ZFAND3: variants seen among roughly 807,000 people sequenced by gnomAD.
The protein encoded by ZFAND3 is zinc finger AN1-type containing 3, also known as AN1-type zinc finger protein 3.
Under a neutral mutation model 29.6 loss-of-function variants are expected in ZFAND3, and 10 were observed. The observed-to-expected ratio is 0.34, with a 90% CI of 0.21 to 0.57. ZFAND3 has a LOEUF of 0.57. Ranked by LOEUF, ZFAND3 falls within the 20% of genes least tolerant of loss-of-function variation. The pLI is 0.86. For synonymous variants in ZFAND3, 128 were observed against 112.6 expected (o/e 1.14, Z -0.87); for missense variants, 230 against 304.5 (o/e 0.76, Z 1.82).
chr6:38,134,070 G>T (rs1765795694), intron 5 of ZFAND3, among the ~76,000 whole-genome samples: 1 of 152,182 alleles, frequency 6.6e-6, no homozygotes, highest in Non-Finnish European at 1.5e-5. Flanking sequence ...AACCACTTAA[G>T]ATGGGGTAAT....
rs561794513 is a variant in ZFAND3 at position 37,921,872 on chromosome 6, C to T, written c.72-8087C>T. Among the ~76,000 whole-genome samples, 202 of 148,710 alleles carry T rather than the reference C, an allele frequency of 1.4e-3. 1 individual carries two copies. The highest frequency in any genetic ancestry group is 4.9e-3 in the African/African-American group (196 of 40,286). ...ACCTGCCTGGGCAACATGGCAAAAC[C>T]CCATCTCTGCAAAAAAAAAAAAAAA... On this transcript the variant is annotated intron_variant, in intron 1 of 5. Coordinates refer to ENST00000287218, the MANE Select transcript of ZFAND3 (RefSeq NM_021943.3).
intron 1 of ZFAND3, among the ~76,000 whole-genome samples, chr6:37,825,794 C>A (rs868511008): frequency 1.3e-5 from 2 of 152,010 alleles, no homozygotes; most frequent in Non-Finnish European, 1.5e-5. Flanking sequence ...AATCAGAGAA[C>A]TAAGAAGGCT....
At chr6:37,893,145 T>C (rs2127397403) in intron 1 of ZFAND3, among the ~76,000 whole-genome samples, 1 of 152,288 alleles carries the variant, frequency 6.6e-6, no homozygotes, top group African/African-American at 2.4e-5. Context: ...TAAAGTATCA[T>C]AATCACATTC....
Position 38,154,552 on chromosome 6 carries a change from A to G in ZFAND3, c.*2163A>G. On this transcript the variant is annotated 3_prime_UTR_variant, in exon 6 of 6. Transcript: ENST00000287218. ...TCAGTTTTAGTTTTAACATTGTGAA[A>G]ATATTAAAAGAATCTTGTAACTTTA... The G allele has an allele frequency of 3.1e-6, 3 of 974,996 alleles. No homozygotes were observed. The highest frequency in any genetic ancestry group is 3.7e-6 in the Non-Finnish European group (3 of 820,028). The allele number at this position is 974,996 out of a possible 1,614,324, so 60.4% of individuals were successfully genotyped here. A position where few individuals can be genotyped will look rare whatever the true frequency, so the allele number is the denominator to read the frequency against.
intron 5 of ZFAND3, among the ~76,000 whole-genome samples, chr6:38,122,568 G>T (rs1396346068): frequency 6.6e-6 from 1 of 152,132 alleles, no homozygotes; most frequent in Non-Finnish European, 1.5e-5. Context: ...TCAGTGGTGG[G>T]GGGAGGATTT....
intron 4 of ZFAND3, among the ~76,000 whole-genome samples, chr6:38,083,466 T>C (rs1764702251): frequency 6.6e-6 from 1 of 152,108 alleles, no homozygotes; most frequent in Non-Finnish European, 1.5e-5. Context: ...AGATTTCTTT[T>C]TTTTACTGAG....
chr6:38,154,363 G>T lies in ZFAND3; in HGVS notation c.*1974G>T. The T allele has an allele frequency of 1.4e-6, 1 of 730,322 alleles. No homozygotes were observed. Among genetic ancestry groups the T allele is most frequent in the Non-Finnish European group, 1.6e-6 (1 of 606,764 alleles). The allele number at this position is 730,322 out of a possible 1,614,324, so 45.2% of individuals were successfully genotyped here. ...GGAGCGAAGCCCATGTTCGCTTCCT[G>T]ACTTAGAGCTGGGGGGGGTGGGGGG... On this transcript the variant is annotated 3_prime_UTR_variant, in exon 6 of 6. Transcript: ENST00000287218.
intron 3 of ZFAND3, among the ~76,000 whole-genome samples, chr6:38,069,428 T>C (rs971133639): frequency 1.3e-5 from 2 of 152,214 alleles, no homozygotes; most frequent in African/African-American, 4.8e-5. Context: ...ATGGAGTTTT[T>C]CCGATATATA....
chr6:37,835,265 C>T (rs1405016945), intron 1 of ZFAND3, among the ~76,000 whole-genome samples: 1 of 152,056 alleles, frequency 6.6e-6, no homozygotes, highest in African/African-American at 2.4e-5. Context: ...CTCAAGTGAT[C>T]TTCCTGCCTC....
At chr6:37,983,343 C>CTTTTTTTTTTTTTTTTTTTTTTTT (rs70981516) in intron 2 of ZFAND3, among the ~76,000 whole-genome samples, 3 of 50,040 alleles carry the variant, frequency 6.0e-5, no homozygotes, top group Admixed American at 3.6e-4. Flanking sequence ...CAGTTTTTAT[C>CTTTTTTTTTTTTTTTTTTTTTTTT]TTTTTTTTTT....
Position 38,153,382 on chromosome 6 carries a change from C to CT in ZFAND3, c.*993_*994insT. ...TTCCAGCTGGAGCCGCCCGTGCCTC[C>CT]AGGGGCCAAGAGGATGATGTCGTGG... On this transcript the variant is annotated 3_prime_UTR_variant, in exon 6 of 6. Transcript: ENST00000287218. 1 of 985,524 alleles carries CT rather than the reference C, an allele frequency of 1.0e-6. No individual in the cohort carries two copies. Among genetic ancestry groups the CT allele is most frequent in the South Asian group, 4.7e-5 (1 of 21,288 alleles). The allele number at this position is 985,524 out of a possible 1,614,324, so 61.0% of individuals were successfully genotyped here.
At chr6:37,863,518 C>T (rs1324512991) in intron 1 of ZFAND3, among the ~76,000 whole-genome samples, 1 of 152,114 alleles carries the variant, frequency 6.6e-6, no homozygotes, top group Non-Finnish European at 1.5e-5. Flanking sequence ...TAAAGACACA[C>T]CAAAAGGTTG....
At chr6:37,948,704 T>A (rs759783363) in intron 2 of ZFAND3, among the ~76,000 whole-genome samples, 7 of 152,226 alleles carry the variant, frequency 4.6e-5, no homozygotes, top group Non-Finnish European at 5.9e-5. Flanking sequence ...TGAGAACATG[T>A]GGTATTTCGT....
intron 5 of ZFAND3, among the ~76,000 whole-genome samples, chr6:38,130,536 TG>T: frequency 6.6e-6 from 1 of 152,366 alleles, no homozygotes; most frequent in South Asian, 2.1e-4. Flanking sequence ...TGCTGGATTT[TG>T]TTGAATGCTT....
intron 1 of ZFAND3, among the ~76,000 whole-genome samples, chr6:37,865,818 G>A (rs1482531726): frequency 2.0e-5 from 3 of 152,138 alleles, no homozygotes; most frequent in African/African-American, 7.2e-5. Flanking sequence ...AGTGTGGTCC[G>A]TAGGTAGGTT....
intron 5 of ZFAND3, among the ~76,000 whole-genome samples, chr6:38,130,260 C>A (rs1452871986): frequency 6.6e-6 from 1 of 152,158 alleles, no homozygotes; most frequent in African/African-American, 2.4e-5. Context: ...CATCAGCAAA[C>A]AGTGAGTTTG....
rs563187271 is a variant in ZFAND3, at chr6:38,040,414, T to G, written c.113-21179T>G. Among the ~76,000 whole-genome samples the G allele has an allele frequency of 1.4e-4, 21 of 152,342 alleles. No individual in the cohort carries two copies. The East Asian group carries it at 3.9e-3, about 28-fold the overall frequency. Reference sequence around the variant, plus strand: ...TCATATTGTAGCATTGGACAGAATTTCCTTGTTTTTTAAGATTGCACAACA... The same window carrying G: ...TCATATTGTAGCATTGGACAGAATTGCCTTGTTTTTTAAGATTGCACAACA... On this transcript the variant is annotated intron_variant, in intron 2 of 5. Transcript: ENST00000287218.
chr6:37,827,695 C>A lies in ZFAND3; in HGVS notation c.71+7679C>A, dbSNP rs376179746. On this transcript the variant is annotated intron_variant, in intron 1 of 5. Transcript: ENST00000287218. ...ATGAGGCTGAGGGACAGAGCTGCAACAGTGCCAGGCACCTGAAGTTTTGGC... is the reference window on the plus strand; with the variant it reads ...ATGAGGCTGAGGGACAGAGCTGCAAAAGTGCCAGGCACCTGAAGTTTTGGC... 1.4e-4 allele frequency among the ~76,000 whole-genome samples: 21 copies of A among 152,376 alleles called. No individual in the cohort carries two copies. The South Asian group carries it at 4.3e-3, about 32-fold the overall frequency.
chr6:38,083,096 C>A (rs1009817298), intron 4 of ZFAND3, among the ~76,000 whole-genome samples: 6 of 152,130 alleles, frequency 3.9e-5, no homozygotes, highest in Non-Finnish European at 8.8e-5. Flanking sequence ...TTTAAAATAT[C>A]TCAAGGATTA....
Sources: gnomAD v4.1 joint callset for allele counts (sites outside exome capture counted in the v4.1 genomes callset) on GRCh38, gnomAD v4.1.1 for gene constraint, MANE v1.5 for transcripts, NCBI Gene and HGNC (gene_info 2026-07-23, HGNC 2026-07-21) for gene names.